Variants in HERC2 observed in about 807,000 individuals in gnomAD.
HERC2 encodes HECT and RLD domain containing E3 ubiquitin protein ligase 2.
A neutral mutation model predicts 537.7 loss-of-function variants in HERC2; 102 were observed. The ratio of observed to expected loss-of-function variants is 0.19; its 90% CI spans 0.16 to 0.22. The LOEUF is 0.22. HERC2 is among the 10% of genes least tolerant of loss of function. The probability of loss-of-function intolerance (pLI) is 1.00; values close to 1 mark genes in which losing one functional copy is unlikely to be tolerated. For synonymous variants in HERC2, 2,224 were observed against 2,466.2 expected (o/e 0.90, Z 2.91); for missense variants, 4,236 against 6,198.2 (o/e 0.68, Z 10.63).
chr15:28,224,420 C>T (rs1429428623), intron 35 of HERC2, among the ~76,000 whole-genome samples: 1 of 152,124 alleles, frequency 6.6e-6, no homozygotes, highest in Non-Finnish European at 1.5e-5. Flanking sequence ...CAGGGTTTCT[C>T]TATGTTGCCC....
At chr15:28,114,864 A>G in intron 89 of HERC2, 62 bp from the exon 90 acceptor site, 5 of 1,403,374 alleles carry the variant, frequency 3.6e-6, no homozygotes, top group South Asian at 2.4e-5. Flanking sequence ...CCCAGACTCC[A>G]GTCCACCCAG....
intron 4 of HERC2, among the ~76,000 whole-genome samples, chr15:28,292,265 AT>A (rs1283412635): frequency 6.7e-6 from 1 of 149,622 alleles, no homozygotes; most frequent in East Asian, 2.0e-4. Flanking sequence ...CAGGCAAAGT[AT>A]TTGAATAGAC....
Position 28,296,024 on chromosome 15 carries a change from T to C in HERC2, c.188-3002A>G, listed in dbSNP as rs1596417163. Among the ~76,000 whole-genome samples, 3 of 151,544 alleles carry C rather than the reference T, an allele frequency of 2.0e-5. No individual in the cohort carries two copies. The South Asian group carries it at 6.2e-4, about 32-fold the overall frequency. ...AATTCTGAGACCCTGTCTCAGAAAATAAAATAAAATATTCATAGTCTTAAT... is the reference window on the plus strand; with the variant it reads ...AATTCTGAGACCCTGTCTCAGAAAACAAAATAAAATATTCATAGTCTTAAT... On this transcript the variant is annotated intron_variant, in intron 3 of 92. Transcript: ENST00000261609.
At chr15:28,119,547 G>A (rs982987625) in intron 86 of HERC2, among the ~76,000 whole-genome samples, 14 of 150,442 alleles carry the variant, frequency 9.3e-5, no homozygotes, top group South Asian at 6.6e-4. Context: ...TCTGCCTCCC[G>A]GGCTCAAGCA....
In HERC2 at chr15:28,141,904, A is replaced by C; in HGVS notation, c.11701-58T>G. ...ACACTTATCTCAAACAAAATAGATA[A>C]ATACTAAGGAAAGACAGAAGGAATC... On this transcript the variant is annotated intron_variant, in intron 76 of 92. Transcript: ENST00000261609. The C allele has an allele frequency of 2.4e-6, 3 of 1,259,808 alleles. 1 individual carries two copies. The South Asian group carries it at 3.7e-5, about 16-fold the overall frequency. The allele number at this position is 1,259,808 out of a possible 1,614,324, so 78.0% of individuals were successfully genotyped here. A position where few individuals can be genotyped will look rare whatever the true frequency, so the allele number is the denominator to read the frequency against.
chr15:28,318,783 C>G (rs2077157710), intron 2 of HERC2, among the ~76,000 whole-genome samples: 1 of 151,692 alleles, frequency 6.6e-6, no homozygotes, highest in South Asian at 2.1e-4. Context: ...TAAGTGCTCT[C>G]TATAACACAC....
chr15:28,115,245 C>G (rs1164799385), intron 89 of HERC2, 184 bp downstream of exon 89: 1 of 544,770 alleles, frequency 1.8e-6, no homozygotes, highest in East Asian at 2.9e-5. Flanking sequence ...TACAAAACAC[C>G]AGAAAATAGA....
intron 4 of HERC2, among the ~76,000 whole-genome samples, chr15:28,291,949 C>T (rs2076326842): frequency 6.9e-6 from 1 of 145,298 alleles, no homozygotes; most frequent in Non-Finnish European, 1.5e-5. Context: ...GCAAAAGGGC[C>T]AGGTGCAGTG....
rs774873191 is a variant in HERC2 at position 28,226,532 on chromosome 15, T to C, written c.5464+1686A>G. Reference sequence around the variant, plus strand: ...AAAGAACAGTCCTCAACAAGTGGTATTGAAACAATCAGATCATCAAAAAAA... The same window carrying C: ...AAAGAACAGTCCTCAACAAGTGGTACTGAAACAATCAGATCATCAAAAAAA... On this transcript the variant is annotated intron_variant, in intron 35 of 92. Transcript: ENST00000261609. 8.5e-5 allele frequency among the ~76,000 whole-genome samples: 13 copies of C among 152,172 alleles called. No individual in the cohort carries two copies. In the South Asian group the frequency reaches 1.0e-3, roughly 12 times the overall value.
chr15:28,175,394 G>C (rs1236402250), intron 64 of HERC2, 118 bp downstream of exon 64: 11 of 1,002,730 alleles, frequency 1.1e-5, no homozygotes, highest in Admixed American at 6.3e-5. Context: ...TCTCCAAGCA[G>C]TAAGACTCAG....
At chr15:28,248,494 G>T in intron 21 of HERC2, 58 bp downstream of exon 21, 1 of 1,355,084 alleles carries the variant, frequency 7.4e-7, no homozygotes, top group Non-Finnish European at 1.0e-6. Flanking sequence ...ACGTCGAAAA[G>T]CCTAAAGTAA....
intron 52 of HERC2, among the ~76,000 whole-genome samples, chr15:28,194,817 A>T (rs1262583917): frequency 6.6e-6 from 1 of 152,098 alleles, no homozygotes; most frequent in African/African-American, 2.4e-5. Context: ...GCACTTTGGG[A>T]GACTGAGGTG....
intron 2 of HERC2, among the ~76,000 whole-genome samples, chr15:28,304,178 A>C (rs896936001): frequency 6.6e-6 from 1 of 150,834 alleles, no homozygotes; most frequent in Non-Finnish European, 1.5e-5. Context: ...AAAAAAAAAA[A>C]AAAAAAAAAA....
chr15:28,148,530 T>C (rs1324538244), intron 70 of HERC2, among the ~76,000 whole-genome samples: 1 of 152,056 alleles, frequency 6.6e-6, no homozygotes, highest in Non-Finnish European at 1.5e-5. Flanking sequence ...AAAACAGACT[T>C]GGGACGACAG....
intron 7 of HERC2, 62 bp from the exon 8 acceptor site, chr15:28,273,066 T>G: frequency 8.6e-7 from 1 of 1,166,178 alleles, no homozygotes; most frequent in South Asian, 1.2e-5. Flanking sequence ...ATGCTTACAA[T>G]CACACTAACA....
chr15:28,319,620 A>G (rs939205380), intron 2 of HERC2, among the ~76,000 whole-genome samples: 1 of 150,262 alleles, frequency 6.7e-6, no homozygotes, highest in African/African-American at 2.5e-5. Flanking sequence ...CTTTCTAATC[A>G]TATTGGAAAT....
chr15:28,259,912 G>C (rs769381904), intron 16 of HERC2, among the ~76,000 whole-genome samples: 7 of 148,274 alleles, frequency 4.7e-5, no homozygotes, highest in Non-Finnish European at 8.9e-5. Flanking sequence ...AGGTTGCAGA[G>C]AGCTGAGATT....
chr15:28,168,641 A>G (rs1489088982), intron 66 of HERC2, 51 bp from the exon 67 acceptor site: 1 of 1,533,134 alleles, frequency 6.5e-7, no homozygotes, highest in Non-Finnish European at 8.9e-7. Context: ...TCTCCACTGC[A>G]GCACAGGAAG....
At chr15:28,314,733 C>T (rs895928101) in intron 2 of HERC2, among the ~76,000 whole-genome samples, 10 of 151,322 alleles carry the variant, frequency 6.6e-5, no homozygotes, top group African/African-American at 9.7e-5. Context: ...TGATGGTACA[C>T]GCCTGTAATC....
Sources: allele counts gnomAD v4.1 joint callset (sites outside exome capture counted in the v4.1 genomes callset), GRCh38; gene constraint gnomAD v4.1.1; transcripts MANE v1.5; gene names NCBI Gene and HGNC (gene_info 2026-07-23, HGNC 2026-07-21).